The following AMPH variants were observed in gnomAD, a reference collection of about 807,000 sequenced individuals.
The protein encoded by AMPH is amphiphysin (Stiff-Mann syndrome with breast cancer 128kD autoantigen).
In AMPH, 49 loss-of-function variants were observed where a neutral mutation model predicts 99.1. The observed-to-expected ratio is 0.49, with a 90% CI of 0.39 to 0.63. The LOEUF (loss-of-function observed/expected upper bound fraction) is 0.63. AMPH is among the 20% of genes least tolerant of loss of function. The probability of loss-of-function intolerance (pLI) is 0.00; values close to 1 mark genes in which losing one functional copy is unlikely to be tolerated. For missense variants in AMPH, 759 were observed against 863.4 expected (o/e 0.88, Z 1.52); for synonymous variants, 314 against 317.3 (o/e 0.99, Z 0.11).
intron 3 of AMPH, among the ~76,000 whole-genome samples, chr7:38,500,594 A>T (rs572268321): frequency 2.6e-5 from 4 of 152,320 alleles, no homozygotes; most frequent in South Asian, 4.1e-4. Context: ...GCATAGACCA[A>T]ATCAAATAGA....
At position 38,535,927 on chromosome 7, in the gene AMPH, C is replaced by A. The variant is rs577715895; in HGVS notation, c.70-916G>T. The stretch of plus-strand genomic sequence containing the variant: ...CAGTCTGAGGCCCAGGGTTTGGGGA[C>A]CCTTGATCTACTTCATAGGGACAGT... On this transcript the variant is annotated intron_variant, in intron 1 of 20. Transcript: ENST00000356264. 3.0e-4 allele frequency among the ~76,000 whole-genome samples: 46 copies of A among 152,226 alleles called. 1 individual carries two copies. The Middle Eastern group carries it at 0.01, about 34-fold the overall frequency.
intron 1 of AMPH, 36 bp from the exon 2 acceptor site, chr7:38,535,047 T>C (rs1311630815): frequency 1.3e-6 from 2 of 1,570,176 alleles, no homozygotes; most frequent in Admixed American, 3.3e-5. Flanking sequence ...TTTAATTTAA[T>C]AATGTTTTCA....
chr7:38,475,376 T>A lies in AMPH; in HGVS notation c.545A>T (p.Glu182Val), dbSNP rs755442696. ...CTCTTCTTGTAAGTCAACGTTAAACTCTTCAAACACTTTCTGTGCTTTCTG... is the reference window on the plus strand; with the variant it reads ...CTCTTCTTGTAAGTCAACGTTAAACACTTCAAACACTTTCTGTGCTTTCTG... ...EFQKAQKVFE[E>V]FNVDLQEELP... Residue 182 changes from glutamate to valine, a missense_variant, in exon 7 of 21, where the codon GAG (glutamate) becomes GTG (valine). By Grantham distance (121) the Glu-to-Val change is moderately radical (BLOSUM62 -2). Around this residue, in one of 2 missense-constraint regions of AMPH, gnomAD observed 205 missense variants for 287.9 expected, o/e 0.71. Transcript: ENST00000356264. The A allele has an allele frequency of 3.7e-6, 6 of 1,613,376 alleles. No homozygotes were observed. Among genetic ancestry groups the A allele is most frequent in the Non-Finnish European group, 5.1e-6 (6 of 1,179,622 alleles).
At chr7:38,561,346 C>T (rs1162710581) in intron 1 of AMPH, among the ~76,000 whole-genome samples, 1 of 152,166 alleles carries the variant, frequency 6.6e-6, no homozygotes. Flanking sequence ...GACTGCTAGC[C>T]CTGTCTTATC....
chr7:38,570,434 A>C (rs1344376719), intron 1 of AMPH, among the ~76,000 whole-genome samples: 1 of 152,144 alleles, frequency 6.6e-6, no homozygotes, highest in African/African-American at 2.4e-5. Context: ...AAGACAGATC[A>C]AATATCTAAT....
chr7:38,428,393 T>C (rs763962329), intron 14 of AMPH: 4 of 456,664 alleles, frequency 8.8e-6, no homozygotes, highest in South Asian at 6.2e-5. Context: ...ATAAATCTCT[T>C]CTGTTTGCAT....
chr7:38,425,933 A>C (rs1785767828), intron 15 of AMPH, among the ~76,000 whole-genome samples: 1 of 152,200 alleles, frequency 6.6e-6, no homozygotes, highest in Non-Finnish European at 1.5e-5. Context: ...ACCTGAAAAG[A>C]ATGAGAAATT....
intron 3 of AMPH, among the ~76,000 whole-genome samples, chr7:38,501,339 C>A (rs1389389680): frequency 6.6e-6 from 1 of 152,080 alleles, no homozygotes; most frequent in East Asian, 1.9e-4. Context: ...TACAGGCATG[C>A]GCCACCACAC....
chr7:38,605,663 C>T (rs1793410078), intron 1 of AMPH, among the ~76,000 whole-genome samples: 1 of 152,126 alleles, frequency 6.6e-6, no homozygotes, highest in Admixed American at 6.5e-5. Context: ...GCAGTCTCCG[C>T]CTCCTCAGTT....
chr7:38,433,186 A>G (rs910174197), intron 12 of AMPH, among the ~76,000 whole-genome samples: 4 of 152,206 alleles, frequency 2.6e-5, no homozygotes, highest in African/African-American at 9.7e-5. Context: ...GCTCCGTATT[A>G]TAGAAAGCAG....
chr7:38,553,234 G>C, intron 1 of AMPH, among the ~76,000 whole-genome samples: 1 of 152,172 alleles, frequency 6.6e-6, no homozygotes, highest in East Asian at 1.9e-4. Context: ...TGGTCTTTGG[G>C]GGCCTCAACT....
intron 3 of AMPH, among the ~76,000 whole-genome samples, chr7:38,502,458 T>A (rs986914798): frequency 2.0e-5 from 3 of 152,170 alleles, no homozygotes; most frequent in South Asian, 4.1e-4. Flanking sequence ...GAGAGATTAA[T>A]TCCTTGTCTA....
At chr7:38,495,819 A>T (rs1788912032) in intron 3 of AMPH, among the ~76,000 whole-genome samples, 2 of 152,164 alleles carry the variant, frequency 1.3e-5, no homozygotes, top group African/African-American at 4.8e-5. Flanking sequence ...AGCATTAAAG[A>T]TATATGCTTC....
chr7:38,475,545 T>A, intron 6 of AMPH, 129 bp from the exon 7 acceptor site: 1 of 617,060 alleles, frequency 1.6e-6, no homozygotes, highest in South Asian at 2.2e-5. Context: ...AGTATTTGGT[T>A]AAAAGCATAT....
chr7:38,598,271 T>TTTG (rs754533901), intron 1 of AMPH, among the ~76,000 whole-genome samples: 61 of 151,994 alleles, frequency 4.0e-4, no homozygotes, highest in South Asian at 3.1e-3. Flanking sequence ...TTGTTGTTCT[T>TTTG]TTGTTGTTGT....
chr7:38,417,496 G>A (rs1208382256), intron 17 of AMPH, among the ~76,000 whole-genome samples: 1 of 152,152 alleles, frequency 6.6e-6, no homozygotes, highest in East Asian at 1.9e-4. Flanking sequence ...TCACATGCAA[G>A]TTCCCTAATA....
At chr7:38,567,854 A>G (rs1326973099) in intron 1 of AMPH, among the ~76,000 whole-genome samples, 1 of 152,016 alleles carries the variant, frequency 6.6e-6, no homozygotes, top group East Asian at 1.9e-4. Context: ...GATTATTATG[A>G]CTCTCCATTT....
At chr7:38,468,763 A>G (rs1787763295) in intron 7 of AMPH, among the ~76,000 whole-genome samples, 1 of 152,214 alleles carries the variant, frequency 6.6e-6, no homozygotes. Flanking sequence ...ATAAATGAAC[A>G]AACAAGCCAG....
At chr7:38,443,385 A>T (rs1786633575) in intron 11 of AMPH, among the ~76,000 whole-genome samples, 1 of 151,904 alleles carries the variant, frequency 6.6e-6, no homozygotes, top group Non-Finnish European at 1.5e-5. Flanking sequence ...AATCATAAAA[A>T]CCCTTTTCTT....
Sources: allele counts gnomAD v4.1 joint callset (sites outside exome capture counted in the v4.1 genomes callset), GRCh38; gene constraint gnomAD v4.1.1; regional missense constraint gnomAD v4.1.1; transcripts MANE v1.5; gene names NCBI Gene and HGNC (gene_info 2026-07-23, HGNC 2026-07-21).